Variants in IQCH observed in about 807,000 individuals in gnomAD.
IQCH encodes IQ motif containing H.
IQCH carries 98 observed loss-of-function variants against 117.0 expected under a neutral mutation model. The ratio of observed to expected loss-of-function variants is 0.84; its 90% CI spans 0.71 to 0.99. The LOEUF is 0.99. IQCH is among the 50% of genes least tolerant of loss of function. The pLI is 0.00. For missense variants in IQCH, 1,102 were observed against 1,243.8 expected (o/e 0.89, Z 1.72); for synonymous variants, 412 against 448.2 (o/e 0.92, Z 1.02).
chr15:67,266,970 A>C lies in IQCH; in HGVS notation c.269+3754A>C, dbSNP rs548123922. On this transcript the variant is annotated intron_variant, in intron 3 of 20. Coordinates refer to ENST00000335894, the MANE Select transcript of IQCH (RefSeq NM_001031715.3). ...ACGTACGTTTTTTCAGTCTTAGCAC[A>C]CTTGAAATTAAATGACACAATTCAT... 2.6e-5 allele frequency among the ~76,000 whole-genome samples: 4 copies of C among 152,350 alleles called. No individual in the cohort carries two copies. The South Asian group carries it at 8.3e-4, about 32-fold the overall frequency.
intron 3 of IQCH, among the ~76,000 whole-genome samples, chr15:67,279,096 A>G (rs966611955): frequency 2.6e-5 from 4 of 152,224 alleles, no homozygotes; most frequent in African/African-American, 9.6e-5. Flanking sequence ...TTCTTTTACC[A>G]AGAATGTTTT....
At chr15:67,418,055 G>A (rs889908691) in intron 15 of IQCH, among the ~76,000 whole-genome samples, 1 of 152,078 alleles carries the variant, frequency 6.6e-6, no homozygotes, top group Admixed American at 6.6e-5. Context: ...CCTATGAGGT[G>A]GGCACCATTA....
rs2140899714 is a variant in IQCH, at chr15:67,413,542, T to C, written c.2098-3389T>C. On this transcript the variant is annotated intron_variant, in intron 14 of 20. Coordinates refer to ENST00000335894, the MANE Select transcript of IQCH (RefSeq NM_001031715.3). This position sits in a 1 kb window ranked among gnomAD's most constrained non-coding sequence, Gnocchi z 5.0. ...TGCAGGTCCTGCTGTATTTTTTTGG[T>C]TTGTTTTGTAGGGATAGGAAGACAA... is the stretch of plus-strand genomic sequence containing the variant. 1 of 152,272 alleles carries C rather than the reference T, an allele frequency of 6.6e-6. No homozygotes were observed. Among genetic ancestry groups the C allele is most frequent in the South Asian group, 2.1e-4 (1 of 4,826 alleles). 9.4% of individuals were successfully genotyped at this position (152,272 alleles called of 1,614,324 possible).
chr15:67,419,888 T>TA (rs2081684573), intron 15 of IQCH, among the ~76,000 whole-genome samples: 1 of 152,194 alleles, frequency 6.6e-6, no homozygotes, highest in Non-Finnish European at 1.5e-5. Flanking sequence ...TGAAATAAAA[T>TA]ACCCAAGTAA....
intron 15 of IQCH, among the ~76,000 whole-genome samples, chr15:67,418,912 G>A (rs985564700): frequency 6.6e-6 from 1 of 151,688 alleles, no homozygotes; most frequent in African/African-American, 2.4e-5. Flanking sequence ...GTTATCGGGG[G>A]AAGACCATGA....
Position 67,390,018 on chromosome 15 carries a change from A to G in IQCH, c.1632+1012A>G, listed in dbSNP as rs979570932. Among the ~76,000 whole-genome samples, 7 of 152,094 alleles carry G rather than the reference A, an allele frequency of 4.6e-5. No individual in the cohort carries two copies. Among genetic ancestry groups the G allele is most frequent in the Admixed American group, 6.5e-5 (1 of 15,272 alleles). ...TCTTTTCTACCAAAATGAAGATTTT[A>G]TTTTTTCATAACTGGATGCCTCAGT... On this transcript the variant is annotated intron_variant, in intron 12 of 20. Coordinates refer to ENST00000335894, the MANE Select transcript of IQCH (RefSeq NM_001031715.3). The surrounding 1 kb of genome is among the most constrained non-coding windows in gnomAD (Gnocchi z 5.0).
intron 16 of IQCH, among the ~76,000 whole-genome samples, chr15:67,460,784 C>A (rs989946225): frequency 6.6e-6 from 1 of 152,186 alleles, no homozygotes; most frequent in Non-Finnish European, 1.5e-5. Flanking sequence ...ACACCACAGT[C>A]GCTCCATTTA....
rs564309736 is a variant in IQCH, at chr15:67,493,556, G to T, written c.2862-702G>T. Among the ~76,000 whole-genome samples the T allele has an allele frequency of 2.2e-4, 33 of 152,138 alleles. No homozygotes were observed. The highest frequency in any genetic ancestry group is 4.4e-4 in the Non-Finnish European group (30 of 68,028). ...CCTGTGAAATAGAAAATAAACCCTA[G>T]ACAAAAGACTCCAGAATACTGAGAT... On this transcript the variant is annotated intron_variant, in intron 19 of 20. Transcript: ENST00000335894. The surrounding 1 kb of genome is among the most constrained non-coding windows in gnomAD (Gnocchi z 5.1).
At chr15:67,351,070 T>C (rs1160953304) in intron 6 of IQCH, among the ~76,000 whole-genome samples, 3 of 152,158 alleles carry the variant, frequency 2.0e-5, no homozygotes, top group Non-Finnish European at 4.4e-5. Flanking sequence ...GAATATTCCA[T>C]TTTGTTTGTT....
At chr15:67,402,065 A>C (rs1262802608) in intron 14 of IQCH, among the ~76,000 whole-genome samples, 6 of 152,242 alleles carry the variant, frequency 3.9e-5, no homozygotes, top group African/African-American at 1.4e-4. Context: ...AAATATTTAA[A>C]ATACTGACAT....
At chr15:67,331,783 C>A (rs1968676487) in intron 4 of IQCH, among the ~76,000 whole-genome samples, 1 of 152,146 alleles carries the variant, frequency 6.6e-6, no homozygotes, top group South Asian at 2.1e-4. Context: ...ACAGGACATT[C>A]TAATCCCAGT....
chr15:67,311,608 A>G (rs1260799471), intron 4 of IQCH, among the ~76,000 whole-genome samples: 1 of 149,094 alleles, frequency 6.7e-6, no homozygotes, highest in Non-Finnish European at 1.5e-5. Flanking sequence ...ATGTAAGCAC[A>G]TACTATATTT....
At chr15:67,282,540 G>A (rs1284960836) in intron 4 of IQCH, among the ~76,000 whole-genome samples, 2 of 152,072 alleles carry the variant, frequency 1.3e-5, no homozygotes, top group Non-Finnish European at 2.9e-5. Flanking sequence ...TATTGTTGTT[G>A]TATATCTAAT....
At chr15:67,348,768 C>G (rs1347206995) in intron 6 of IQCH, among the ~76,000 whole-genome samples, 1 of 152,076 alleles carries the variant, frequency 6.6e-6, no homozygotes, top group Non-Finnish European at 1.5e-5. Context: ...AAAGCTGATT[C>G]TAAAGTTTGT....
At chr15:67,327,939 C>T (rs2140627436) in intron 4 of IQCH, among the ~76,000 whole-genome samples, 2 of 152,340 alleles carry the variant, frequency 1.3e-5, no homozygotes, top group Middle Eastern at 3.4e-3. Flanking sequence ...CATCCTCTGA[C>T]TTTCAAGCCA....
chr15:67,410,748 C>T (rs778169898), intron 14 of IQCH, among the ~76,000 whole-genome samples: 2 of 152,176 alleles, frequency 1.3e-5, no homozygotes, highest in African/African-American at 2.4e-5. Context: ...AAAGAGGGGA[C>T]ATAGATGCTG....
rs1303060900 is a variant in IQCH at position 67,370,117 on chromosome 15, T to C, written c.754-1994T>C. On this transcript the variant is annotated intron_variant, in intron 8 of 20. Coordinates refer to ENST00000335894, the MANE Select transcript of IQCH (RefSeq NM_001031715.3). This position sits in a 1 kb window ranked among gnomAD's most constrained non-coding sequence, Gnocchi z 5.6. ...CATTTGCTGATGTACGTAAAAACCCTAGACCCACCCCATGGAAAGGCACTG... is the reference window on the plus strand; with the variant it reads ...CATTTGCTGATGTACGTAAAAACCCCAGACCCACCCCATGGAAAGGCACTG... Among the ~76,000 whole-genome samples, 2 of 152,210 alleles carry C rather than the reference T, an allele frequency of 1.3e-5. No homozygotes were observed. Among genetic ancestry groups the C allele is most frequent in the Non-Finnish European group, 2.9e-5 (2 of 68,030 alleles).
intron 16 of IQCH, 92 bp downstream of exon 16, chr15:67,421,669 T>G (rs1166384356): frequency 7.8e-7 from 1 of 1,274,380 alleles, no homozygotes; most frequent in Non-Finnish European, 1.1e-6. Flanking sequence ...TGAGGGCTCT[T>G]CTAAAATGCA....
In IQCH at chr15:67,475,243, G is replaced by A. The variant is rs578041007; in HGVS notation, c.2677-453G>A. On this transcript the variant is annotated intron_variant, in intron 17 of 20. Coordinates refer to ENST00000335894, the MANE Select transcript of IQCH (RefSeq NM_001031715.3). This position sits in a 1 kb window ranked among gnomAD's most constrained non-coding sequence, Gnocchi z 5.7. ...GGTAATTCCAGCATTTTGGGAGGCCGAGGCTGGCAGATCGCTTGAGCTAGG... is the reference window on the plus strand; with the variant it reads ...GGTAATTCCAGCATTTTGGGAGGCCAAGGCTGGCAGATCGCTTGAGCTAGG... Among the ~76,000 whole-genome samples the A allele has an allele frequency of 1.3e-5, 2 of 152,290 alleles. No individual in the cohort carries two copies. The highest frequency in any genetic ancestry group is 3.9e-4 in the East Asian group (2 of 5,188).
Sources: gnomAD v4.1 joint callset for allele counts (sites outside exome capture counted in the v4.1 genomes callset) on GRCh38, gnomAD v4.1.1 for gene constraint, Gnocchi (gnomAD v3.1) non-coding constraint, MANE v1.5 for transcripts, NCBI Gene and HGNC (gene_info 2026-07-23, HGNC 2026-07-21) for gene names.